MAP3K3: variants seen among roughly 807,000 people sequenced by gnomAD.
MAP3K3 encodes mitogen-activated protein kinase kinase kinase 3.
Under a neutral mutation model 80.9 loss-of-function variants are expected in MAP3K3, and 12 were observed. The ratio of observed to expected loss-of-function variants is 0.15; its 90% CI spans 0.10 to 0.24. The LOEUF (loss-of-function observed/expected upper bound fraction) is 0.24, where lower values mean the gene tolerates loss of function less well. Among genes scored for constraint, MAP3K3 ranks in the 10% least tolerant of loss-of-function variants. MAP3K3 has a pLI of 1.00. For synonymous variants in MAP3K3, 272 were observed against 307.1 expected, an observed-to-expected ratio of 0.89 and a Z score of 1.19; for missense variants, 596 against 834.7, an observed-to-expected ratio of 0.71 and a Z score of 3.52.
At chr17:63,638,892 G>A (rs1437490963) in intron 2 of MAP3K3, among the ~76,000 whole-genome samples, 1 of 152,198 alleles carries the variant, frequency 6.6e-6, no homozygotes, top group Admixed American at 6.5e-5. Flanking sequence ...TGGGCATGAT[G>A]ATAGGTGCTT....
intron 6 of MAP3K3, among the ~76,000 whole-genome samples, chr17:63,674,859 A>T (rs1396574012): frequency 6.6e-6 from 1 of 152,164 alleles, no homozygotes; most frequent in African/African-American, 2.4e-5. Flanking sequence ...GGGAAAATTC[A>T]GGCAGAGGAC....
chr17:63,692,320 G>C lies in MAP3K3; in HGVS notation c.1553G>C (p.Cys518Ser). ...GCCAGCAAACGCCTGCAGACGATCT[G>C]TATGTCGGGGACGGGCATGCGCTCC... ...FGASKRLQTI[C>S]MSGTGMRSVT... The change falls in exon 15 of 16, where the codon TGT becomes TCT. Residue 518 changes from cysteine to serine, a missense_variant. Coordinates refer to ENST00000361733, the MANE Select transcript of MAP3K3 (RefSeq NM_002401.5). The surrounding 1 kb of genome is among the most constrained non-coding windows in gnomAD (Gnocchi z 4.5). 1.2e-6 allele frequency: 2 copies of C among 1,614,002 alleles called. No homozygotes were observed. Among genetic ancestry groups the C allele is most frequent in the Non-Finnish European group, 8.5e-7 (1 of 1,180,024 alleles).
intron 4 of MAP3K3, among the ~76,000 whole-genome samples, chr17:63,656,676 A>G (rs1471085631): frequency 6.6e-6 from 1 of 152,220 alleles, no homozygotes; most frequent in Non-Finnish European, 1.5e-5. Flanking sequence ...TTTGCATCTT[A>G]TGAATCTCTT....
At chr17:63,690,606 G>A (rs1265047004) in intron 12 of MAP3K3, 194 bp downstream of exon 12, 12 of 609,744 alleles carry the variant, frequency 2.0e-5, no homozygotes, top group Non-Finnish European at 2.8e-5. Context: ...ACCTGGAGGG[G>A]AGGGATTGGG....
intron 4 of MAP3K3, among the ~76,000 whole-genome samples, chr17:63,657,375 C>A (rs1716054646): frequency 6.6e-6 from 1 of 151,972 alleles, no homozygotes; most frequent in Non-Finnish European, 1.5e-5. Context: ...AAGATTGAAT[C>A]TTTATGAATT....
intron 6 of MAP3K3, among the ~76,000 whole-genome samples, chr17:63,674,118 A>G (rs1239735045): frequency 2.0e-5 from 3 of 149,430 alleles, no homozygotes; most frequent in Admixed American, 6.7e-5. Flanking sequence ...CTACATTCTG[A>G]CTCCTGTATG....
chr17:63,689,424 G>T lies in MAP3K3; in HGVS notation c.872-120G>T. 1 of 802,156 alleles carries T rather than the reference G, an allele frequency of 1.2e-6. No individual in the cohort carries two copies. The highest frequency in any genetic ancestry group is 1.8e-5 in the South Asian group (1 of 56,314). The allele number at this position is 802,156 out of a possible 1,614,324, so 49.7% of individuals were successfully genotyped here. ...GGAGCTGGTATTATCTATCACTTCT[G>T]GCTGAGACCTGGTTTGTATATTCCG... On this transcript the variant is annotated intron_variant, in intron 10 of 15. Coordinates refer to ENST00000361733, the MANE Select transcript of MAP3K3 (RefSeq NM_002401.5). The surrounding 1 kb of genome is among the most constrained non-coding windows in gnomAD (Gnocchi z 4.3).
chr17:63,674,235 G>A (rs1212085498), intron 6 of MAP3K3, among the ~76,000 whole-genome samples: 1 of 152,158 alleles, frequency 6.6e-6, no homozygotes, highest in East Asian at 1.9e-4. Context: ...CAACGCCTGA[G>A]TGGAGGCAAT....
chr17:63,655,907 T>G (rs1225108109), intron 4 of MAP3K3, among the ~76,000 whole-genome samples: 2 of 152,170 alleles, frequency 1.3e-5, no homozygotes, highest in Non-Finnish European at 2.9e-5. Flanking sequence ...TCCCATTCCA[T>G]AAGTAGTTTT....
intron 6 of MAP3K3, among the ~76,000 whole-genome samples, chr17:63,677,288 T>G (rs921045841): frequency 2.0e-4 from 31 of 152,230 alleles, no homozygotes; most frequent in African/African-American, 7.5e-4. Flanking sequence ...ACTTACCTCC[T>G]TAGAGTTGCT....
chr17:63,654,200 C>T (rs1249123444), intron 4 of MAP3K3, among the ~76,000 whole-genome samples: 3 of 152,056 alleles, frequency 2.0e-5, no homozygotes, highest in Non-Finnish European at 4.4e-5. Context: ...CAAAGAGAAA[C>T]CTGTACCTAT....
At chr17:63,647,622 A>G (rs2034565552) in intron 3 of MAP3K3, among the ~76,000 whole-genome samples, 1 of 152,180 alleles carries the variant, frequency 6.6e-6, no homozygotes, top group African/African-American at 2.4e-5. Context: ...TTGCTTATCA[A>G]GGTTTTGAAA....
Position 63,693,463 on chromosome 17 carries a change from G to C in MAP3K3, c.1653-86G>C, listed in dbSNP as rs1415377010. 1 of 1,238,416 alleles carries C rather than the reference G, an allele frequency of 8.1e-7. No individual in the cohort carries two copies. Among genetic ancestry groups the C allele is most frequent in the Admixed American group, 2.4e-5 (1 of 42,478 alleles). The allele number at this position is 1,238,416 out of a possible 1,614,324, so 76.7% of individuals were successfully genotyped here. On this transcript the variant is annotated intron_variant, in intron 15 of 15. Coordinates refer to ENST00000361733, the MANE Select transcript of MAP3K3 (RefSeq NM_002401.5). This position sits in a 1 kb window ranked among gnomAD's most constrained non-coding sequence, Gnocchi z 4.2. ...TGTCCTGCACCTCAGCTTGCTGTGA[G>C]AAAGGCGCCTCTTTCTGCAGTGGTG... is the stretch of plus-strand genomic sequence containing the variant.
Position 63,666,977 on chromosome 17 carries a change from T to C in MAP3K3, c.419T>C (p.Val140Ala). Residue 140 changes from valine to alanine, a missense_variant, in exon 6 of 16, where the codon GTG becomes GCG. This residue lies in a region of MAP3K3 where 232 missense variants were observed against 245.8 expected (regional missense o/e 0.94). Transcript: ENST00000361733. ...SSPHSGVSRQ[V>A]RIKASQSAGD... Reference sequence around the variant, plus strand: ...CCCCACTCTGGGGTGTCCAGACAGGTGCGGATCAAGGCTTCCCAGTCCGCA... The same window carrying C: ...CCCCACTCTGGGGTGTCCAGACAGGCGCGGATCAAGGCTTCCCAGTCCGCA... 1 of 1,613,498 alleles carries C rather than the reference T, an allele frequency of 6.2e-7. No individual in the cohort carries two copies. Among genetic ancestry groups the C allele is most frequent in the Middle Eastern group, 1.7e-4 (1 of 6,058 alleles).
intron 5 of MAP3K3, among the ~76,000 whole-genome samples, chr17:63,662,354 G>A (rs774157654): frequency 1.3e-5 from 2 of 151,782 alleles, no homozygotes; most frequent in Non-Finnish European, 1.5e-5. Flanking sequence ...GGTTGAGGCC[G>A]CAGTGAGCCA....
At chr17:63,629,971 G>A (rs1428713127) in intron 1 of MAP3K3, among the ~76,000 whole-genome samples, 1 of 152,198 alleles carries the variant, frequency 6.6e-6, no homozygotes, top group Non-Finnish European at 1.5e-5. Context: ...AAAGTGGTGT[G>A]TGTATGTGTG....
intron 4 of MAP3K3, among the ~76,000 whole-genome samples, chr17:63,656,284 T>C (rs1383352468): frequency 6.6e-6 from 1 of 151,652 alleles, no homozygotes; most frequent in Non-Finnish European, 1.5e-5. Flanking sequence ...ATTGGACTTT[T>C]GCTTGATTTT....
At chr17:63,671,471 G>A (rs1007186559) in intron 6 of MAP3K3, among the ~76,000 whole-genome samples, 1 of 151,992 alleles carries the variant, frequency 6.6e-6, no homozygotes, top group Non-Finnish European at 1.5e-5. Context: ...GGCCAGGATG[G>A]TCTCGATCTC....
chr17:63,651,434 A>G (rs536845456), intron 3 of MAP3K3, among the ~76,000 whole-genome samples: 71 of 152,136 alleles, frequency 4.7e-4, no homozygotes, highest in Non-Finnish European at 7.9e-4. Context: ...TATCATTGCC[A>G]CTGCACTCCA....
Sources: allele counts gnomAD v4.1 joint callset (sites outside exome capture counted in the v4.1 genomes callset), GRCh38; gene constraint gnomAD v4.1.1; regional missense constraint gnomAD v4.1.1; non-coding constraint Gnocchi (gnomAD v3.1); transcripts MANE v1.5; gene names NCBI Gene and HGNC (gene_info 2026-07-23, HGNC 2026-07-21).